Variants in ITPR1 observed in about 807,000 individuals in gnomAD.
ITPR1 encodes the protein inositol 1,4,5-trisphosphate-gated calcium channel ITPR1.
A neutral mutation model predicts 318.4 loss-of-function variants in ITPR1; 96 were observed. The ratio of observed to expected loss-of-function variants is 0.30; its 90% CI spans 0.26 to 0.36. ITPR1 has a LOEUF of 0.36. Among genes scored for constraint, ITPR1 ranks in the 10% least tolerant of loss-of-function variants. The probability of loss-of-function intolerance (pLI) is 1.00; values close to 1 mark genes in which losing one functional copy is unlikely to be tolerated. For missense variants in ITPR1, 2,440 were observed against 3,460.2 expected (o/e 0.71, Z 7.40); for synonymous variants, 1,312 against 1,289.9 (o/e 1.02, Z -0.37).
rs142951343 is a variant in ITPR1 at position 4,626,418 on chromosome 3, T to C, written c.164-1345T>C. 4.7e-3 allele frequency among the ~76,000 whole-genome samples: 720 copies of C among 152,308 alleles called. 13 individuals carry two copies. Among genetic ancestry groups the C allele is most frequent in the African/African-American group, 0.016 (680 of 41,558 alleles). On this transcript the variant is annotated intron_variant, in intron 4 of 61. Transcript: ENST00000649015. ...TTAAAAACAATATTTTAAGTGGTTT[T>C]AGTTATGATTTTTAATGTCTGGATG...
intron 32 of ITPR1, among the ~76,000 whole-genome samples, chr3:4,692,884 G>T (rs1239443483): frequency 6.6e-6 from 1 of 152,178 alleles, no homozygotes; most frequent in South Asian, 2.1e-4. Context: ...ACTTTGGGAG[G>T]CCGAGTTGGG....
intron 33 of ITPR1, 148 bp downstream of exon 33, chr3:4,693,889 C>A: frequency 1.3e-6 from 1 of 792,102 alleles, no homozygotes; most frequent in South Asian, 1.9e-5. Flanking sequence ...TTTCAGTTCC[C>A]TAAAACATTT....
intron 51 of ITPR1, among the ~76,000 whole-genome samples, chr3:4,785,293 C>T (rs1378233797): frequency 1.3e-5 from 2 of 152,196 alleles, no homozygotes; most frequent in Admixed American, 1.3e-4. Context: ...TTTGTACCTG[C>T]ACTGTCTTTC....
chr3:4,534,906 C>A (rs935750161), intron 4 of ITPR1, among the ~76,000 whole-genome samples: 4 of 152,178 alleles, frequency 2.6e-5, no homozygotes, highest in African/African-American at 9.7e-5. Flanking sequence ...AAGTGAAGGA[C>A]TATCACTTGA....
chr3:4,846,143 C>A lies in ITPR1; in HGVS notation c.8195C>A (p.Thr2732Lys). 6.4e-7 allele frequency: 1 copy of A among 1,554,556 alleles called. No individual in the cohort carries two copies. The highest frequency in any genetic ancestry group is 8.7e-7 in the Non-Finnish European group (1 of 1,147,816). ...GQLSELKDQM[T>K]EQRKQKQRIG... is the part of the protein sequence containing the mutation. ...TGAAACTTTTTAACTTTCCAGATGACAGAACAAAGGAAGCAGAAACAAAGA... is the reference window on the plus strand; with the variant it reads ...TGAAACTTTTTAACTTTCCAGATGAAAGAACAAAGGAAGCAGAAACAAAGA... Residue 2732 changes from threonine (T) to lysine (K), a missense_variant, in exon 62 of 62, where the codon ACA becomes AAA. By Grantham distance (78) the Thr-to-Lys change is moderately conservative. Around this residue, in one of 23 missense-constraint regions of ITPR1, gnomAD observed 63 missense variants for 63.4 expected, o/e 0.99. Transcript: ENST00000649015.
At chr3:4,534,378 T>C (rs1010243458) in intron 4 of ITPR1, among the ~76,000 whole-genome samples, 1 of 152,180 alleles carries the variant, frequency 6.6e-6, no homozygotes, top group African/African-American at 2.4e-5. Context: ...GGTGGAGGCA[T>C]CTCTCCCCAA....
At chr3:4,667,245 C>G in intron 17 of ITPR1, 132 bp from the exon 18 acceptor site, 1 of 565,270 alleles carries the variant, frequency 1.8e-6, no homozygotes. Flanking sequence ...TGTAGGAAGA[C>G]CCTCCCTTAT....
In ITPR1 at chr3:4,567,835, C is replaced by G. The variant is rs148854859; in HGVS notation, c.163+46741C>G. On this transcript the variant is annotated intron_variant, in intron 4 of 61. Coordinates refer to ENST00000649015, the MANE Select transcript of ITPR1 (RefSeq NM_001378452.1). ...TCCAGGCTAGTCGTGAATTCCTGAG[C>G]TCAAGCGATCCACCTGCCCTGGACT... 4.5e-3 allele frequency among the ~76,000 whole-genome samples: 691 copies of G among 152,262 alleles called. 8 individuals carry two copies. The highest frequency in any genetic ancestry group is 0.016 in the African/African-American group (644 of 41,544).
intron 39 of ITPR1, among the ~76,000 whole-genome samples, chr3:4,714,379 A>G (rs2041612971): frequency 6.6e-6 from 1 of 152,126 alleles, no homozygotes; most frequent in Admixed American, 6.5e-5. Context: ...AGCTTGTCCC[A>G]TGACTGACAC....
Position 4,702,876 on chromosome 3 carries a change from T to C in ITPR1, c.4583T>C (p.Val1528Ala), listed in dbSNP as rs1051890518. ...CAACTGCTGCAAGGCGTGTTCAGGG[T>C]TTACCACTGCAACTGGTTAATGCCA... is the stretch of plus-strand genomic sequence containing the variant. ...FVQLLQGVFR[V>A]YHCNWLMPSQ... Residue 1528 changes from valine (V) to alanine (A), a missense_variant, in exon 36 of 62, where the codon GTT (valine) becomes GCT (alanine). Transcript: ENST00000649015. The C allele has an allele frequency of 3.1e-6, 5 of 1,613,812 alleles. No individual in the cohort carries two copies. The Admixed American group carries it at 5.0e-5, about 16-fold the overall frequency.
chr3:4,724,749 GC>G (rs1559776752), intron 40 of ITPR1, among the ~76,000 whole-genome samples: 1 of 152,122 alleles, frequency 6.6e-6, no homozygotes, highest in Admixed American at 6.5e-5. Flanking sequence ...GCCCCTGCAT[GC>G]CCTCTCACCC....
chr3:4,497,550 T>C (rs2080688410), intron 2 of ITPR1, among the ~76,000 whole-genome samples: 1 of 152,020 alleles, frequency 6.6e-6, no homozygotes, highest in Non-Finnish European at 1.5e-5. Context: ...AGAAAACTGG[T>C]TAAAGGGGGA....
At chr3:4,820,636 T>C (rs975382472) in intron 60 of ITPR1, among the ~76,000 whole-genome samples, 1 of 152,224 alleles carries the variant, frequency 6.6e-6, no homozygotes, top group African/African-American at 2.4e-5. Flanking sequence ...ATGAGACATC[T>C]TGTCAGAAAA....
intron 37 of ITPR1, 84 bp downstream of exon 37, chr3:4,706,435 G>A: frequency 2.4e-6 from 3 of 1,258,206 alleles, no homozygotes; most frequent in South Asian, 1.5e-5. Context: ...GAGCCACAGA[G>A]CATCTAAGCT....
intron 28 of ITPR1, 123 bp from the exon 29 acceptor site, chr3:4,684,158 A>G: frequency 1.4e-6 from 1 of 702,184 alleles, no homozygotes; most frequent in East Asian, 2.7e-5. Context: ...GCATAAGCCC[A>G]GCATGACTAT....
intron 4 of ITPR1, among the ~76,000 whole-genome samples, chr3:4,557,827 G>C (rs868398758): frequency 2.6e-5 from 4 of 152,098 alleles, no homozygotes; most frequent in African/African-American, 9.7e-5. Context: ...TGTAATTAGA[G>C]TTTCATGTGG....
chr3:4,506,800 T>C (rs955192028), intron 2 of ITPR1, among the ~76,000 whole-genome samples: 6 of 152,216 alleles, frequency 3.9e-5, no homozygotes, highest in Non-Finnish European at 5.9e-5. Context: ...TCCAAACTTA[T>C]ACAGTGAGAG....
chr3:4,615,035 G>C (rs2092329165), intron 4 of ITPR1, among the ~76,000 whole-genome samples: 1 of 152,194 alleles, frequency 6.6e-6, no homozygotes, highest in African/African-American at 2.4e-5. Flanking sequence ...GAATCAATAA[G>C]GAGGCTTGGA....
At chr3:4,742,356 G>A (rs953569542) in intron 44 of ITPR1, among the ~76,000 whole-genome samples, 8 of 152,206 alleles carry the variant, frequency 5.3e-5, no homozygotes, top group Admixed American at 5.2e-4. Flanking sequence ...GTGTGGTCCG[G>A]TAGACAAGTG....
Sources: allele counts gnomAD v4.1 joint callset (sites outside exome capture counted in the v4.1 genomes callset), GRCh38; gene constraint gnomAD v4.1.1; regional missense constraint gnomAD v4.1.1; transcripts MANE v1.5; gene names NCBI Gene and HGNC (gene_info 2026-07-23, HGNC 2026-07-21).